NFAT5: variants seen among roughly 807,000 people sequenced by gnomAD.
NFAT5 encodes nuclear factor of activated T cells 5.
Under a neutral mutation model 166.5 loss-of-function variants are expected in NFAT5, and 31 were observed. The ratio of observed to expected loss-of-function variants is 0.19; its 90% CI spans 0.14 to 0.25. The LOEUF (loss-of-function observed/expected upper bound fraction) is 0.25, where lower values mean the gene tolerates loss of function less well. NFAT5 is among the 10% of genes least tolerant of loss of function. The probability of loss-of-function intolerance (pLI) is 1.00; values close to 1 mark genes in which losing one functional copy is unlikely to be tolerated. For missense variants in NFAT5, 1,449 were observed against 1,821.8 expected, an observed-to-expected ratio of 0.80 and a Z score of 3.72; for synonymous variants, 612 against 639.7, an observed-to-expected ratio of 0.96 and a Z score of 0.65.
chr16:69,693,647 G>C lies in NFAT5; in HGVS notation c.3822G>C (p.Gln1274His). ...AGGAACAGCAGCAGCAGCAGCAACAGCAGCAGCAACAGCAGCAGCAACAAC... is the reference window on the plus strand; with the variant it reads ...AGGAACAGCAGCAGCAGCAGCAACACCAGCAGCAACAGCAGCAGCAACAAC... Reference protein sequence around the residue: ...PSQEQQQQQQQQQQQQQQQQQ... With the variant: ...PSQEQQQQQQHQQQQQQQQQQ... Residue 1274 changes from glutamine to histidine, a missense_variant, in exon 13 of 15, where the codon CAG becomes CAC. By Grantham distance (24) the Gln-to-His change is conservative (BLOSUM62 0). Transcript: ENST00000349945. 1 of 1,614,090 alleles carries C rather than the reference G, an allele frequency of 6.2e-7. No homozygotes were observed. Among genetic ancestry groups the C allele is most frequent in the Middle Eastern group, 1.6e-4 (1 of 6,062 alleles).
chr16:69,576,270 C>T (rs1430566974), intron 2 of NFAT5, among the ~76,000 whole-genome samples: 5 of 134,512 alleles, frequency 3.7e-5, no homozygotes, highest in Non-Finnish European at 6.1e-5. Context: ...CCAGCCTGGG[C>T]GACAGAGTGA....
chr16:69,685,528 C>G (rs2037262627), intron 11 of NFAT5: 1 of 148,430 alleles, frequency 6.7e-6, no homozygotes. Context: ...GCCTGGGCGA[C>G]AGAGCGAGAC....
chr16:69,649,566 G>A, intron 4 of NFAT5: 1 of 983,482 alleles, frequency 1.0e-6, no homozygotes, highest in Non-Finnish European at 1.2e-6. Flanking sequence ...CAGCTTCTTA[G>A]GTAATGAAAA....
At chr16:69,572,688 A>C (rs2016512751) in intron 2 of NFAT5, among the ~76,000 whole-genome samples, 1 of 152,188 alleles carries the variant, frequency 6.6e-6, no homozygotes, top group African/African-American at 2.4e-5. Flanking sequence ...AGGAAAAATA[A>C]GAGTATAAAC....
intron 13 of NFAT5, among the ~76,000 whole-genome samples, chr16:69,694,871 G>A (rs987542327): frequency 6.6e-6 from 1 of 152,144 alleles, no homozygotes; most frequent in South Asian, 2.1e-4. Context: ...ATTTATATAG[G>A]ACTTTTGATA....
chr16:69,624,903 TAA>T (rs376117061), intron 2 of NFAT5, among the ~76,000 whole-genome samples: 17 of 140,084 alleles, frequency 1.2e-4, no homozygotes, highest in Admixed American at 3.6e-4. Flanking sequence ...TTCTTTTTTT[TAA>T]AAAAAAAAAA....
intron 4 of NFAT5, chr16:69,648,314 T>G (rs2035532309): frequency 1.0e-6 from 1 of 984,602 alleles, no homozygotes; most frequent in Non-Finnish European, 1.2e-6. Flanking sequence ...TTTAGAGGAT[T>G]TTAGACTTAA....
intron 2 of NFAT5, among the ~76,000 whole-genome samples, chr16:69,572,890 T>A (rs556396138): frequency 4.1e-4 from 62 of 152,190 alleles, no homozygotes; most frequent in Middle Eastern, 3.2e-3. Context: ...GTTGCCAGGC[T>A]GGAGTGCAGT....
intron 8 of NFAT5, 53 bp downstream of exon 8, chr16:69,670,164 TGGATATA>T (rs1326867029): frequency 1.3e-6 from 2 of 1,591,022 alleles, no homozygotes; most frequent in Non-Finnish European, 1.7e-6. Context: ...CTTTGTTATA[TGGATATA>T]GTCATAGCTA....
intron 2 of NFAT5, among the ~76,000 whole-genome samples, chr16:69,617,180 G>A (rs1298609825): frequency 6.6e-6 from 1 of 152,034 alleles, no homozygotes; most frequent in Non-Finnish European, 1.5e-5. Flanking sequence ...CTGACCTTGT[G>A]ATCCGCCCGC....
intron 3 of NFAT5, among the ~76,000 whole-genome samples, chr16:69,631,001 T>G (rs1439052454): frequency 6.6e-6 from 1 of 152,246 alleles, no homozygotes; most frequent in Non-Finnish European, 1.5e-5. Flanking sequence ...ACTTTCTTGT[T>G]CTATTCTACA....
chr16:69,675,964 T>C (rs2036816527), intron 9 of NFAT5, among the ~76,000 whole-genome samples: 3 of 152,168 alleles, frequency 2.0e-5, no homozygotes. Flanking sequence ...ATAATGTGAC[T>C]GTATTTCAGA....
At chr16:69,620,311 A>G (rs1381201472) in intron 2 of NFAT5, among the ~76,000 whole-genome samples, 2 of 152,210 alleles carry the variant, frequency 1.3e-5, no homozygotes, top group Non-Finnish European at 2.9e-5. Flanking sequence ...CCCTAATTCT[A>G]CTACATGGAT....
At chr16:69,570,122 G>A (rs556451969) in intron 2 of NFAT5, among the ~76,000 whole-genome samples, 2 of 152,168 alleles carry the variant, frequency 1.3e-5, no homozygotes, top group Non-Finnish European at 2.9e-5. Context: ...CAACCATTTA[G>A]CATGTTTATT....
rs2032802874 is a variant in NFAT5 at position 69,596,585 on chromosome 16, GCAC to G, written c.127+28038_127+28040del. Among the ~76,000 whole-genome samples, 38 of 152,124 alleles carry G rather than the reference GCAC, an allele frequency of 2.5e-4. 1 individual carries two copies. In the South Asian group the frequency reaches 7.3e-3, roughly 29 times the overall value. On this transcript the variant is annotated intron_variant, in intron 2 of 14. Coordinates refer to ENST00000349945, the MANE Select transcript of NFAT5 (RefSeq NM_138713.4). ...ATACAAAAATTAGCCGGGCGTGGTG[GCAC>G]GTGCCTGTAATTGCAGCTACTCAGG...
intron 3 of NFAT5, among the ~76,000 whole-genome samples, chr16:69,645,865 G>A (rs2035417819): frequency 6.6e-6 from 1 of 152,114 alleles, no homozygotes. Flanking sequence ...CGATCAACGC[G>A]CCTCTGAGTT....
At chr16:69,606,503 C>T (rs528235441) in intron 2 of NFAT5, among the ~76,000 whole-genome samples, 2 of 151,368 alleles carry the variant, frequency 1.3e-5, no homozygotes, top group East Asian at 1.9e-4. Context: ...ACTGTGCAGG[C>T]GAAACAGAAC....
chr16:69,625,238 C>T (rs2034401793), intron 2 of NFAT5, among the ~76,000 whole-genome samples: 1 of 151,936 alleles, frequency 6.6e-6, no homozygotes, highest in South Asian at 2.1e-4. Context: ...AACATGGATT[C>T]TACTACCTTT....
In NFAT5 at chr16:69,693,607, G is replaced by A. The variant is rs893101984; in HGVS notation, c.3782G>A (p.Ser1261Asn). 1.2e-6 allele frequency: 2 copies of A among 1,614,088 alleles called. No individual in the cohort carries two copies. The highest frequency in any genetic ancestry group is 1.3e-5 in the African/African-American group (1 of 74,994). Residue 1261 changes from serine (S) to asparagine (N), a missense_variant, in exon 13 of 15, where the codon AGT becomes AAT. Ser to Asn is a conservative substitution (Grantham distance 46). This residue lies in a region of NFAT5 where 891 missense variants were observed against 993.0 expected (regional missense o/e 0.90). Coordinates refer to ENST00000349945, the MANE Select transcript of NFAT5 (RefSeq NM_138713.4). ...CAGCACTCAATAGTTGCCATGCAGAGTAACTCTCCATCCCAGGAACAGCAG... is the reference window on the plus strand; with the variant it reads ...CAGCACTCAATAGTTGCCATGCAGAATAACTCTCCATCCCAGGAACAGCAG... Reference protein sequence around the residue: ...QSQHSIVAMQSNSPSQEQQQQ... With the variant: ...QSQHSIVAMQNNSPSQEQQQQ...
Sources: gnomAD v4.1 joint callset for allele counts (sites outside exome capture counted in the v4.1 genomes callset) on GRCh38, gnomAD v4.1.1 for gene constraint, gnomAD v4.1.1 regional missense constraint, MANE v1.5 for transcripts, NCBI Gene and HGNC (gene_info 2026-07-23, HGNC 2026-07-21) for gene names.